The following ZPBP variants were observed in gnomAD, a reference collection of about 807,000 sequenced individuals.
ZPBP encodes the protein zona pellucida binding protein, also known as zona pellucida-binding protein 1.
In ZPBP, 26 loss-of-function variants were observed where a neutral mutation model predicts 44.8. That is an observed-to-expected ratio of 0.58 (90% confidence interval 0.43 to 0.81). The LOEUF (loss-of-function observed/expected upper bound fraction) is 0.81, where lower values mean the gene tolerates loss of function less well. Among genes scored for constraint, ZPBP ranks in the 30% least tolerant of loss-of-function variants. The pLI is 0.00. For missense variants in ZPBP, 409 were observed against 434.0 expected (o/e 0.94, Z 0.51); for synonymous variants, 174 against 153.2 (o/e 1.14, Z -1.00).
chr7:49,892,047 T>G (rs1792157478), intron 2 of ZPBP, among the ~76,000 whole-genome samples: 1 of 128,404 alleles, frequency 7.8e-6, no homozygotes, highest in African/African-American at 2.9e-5. Context: ...TTTTTTTTTT[T>G]TTTTTTTTTT....
intron 4 of ZPBP, among the ~76,000 whole-genome samples, chr7:50,051,322 T>C (rs761929904): frequency 3.3e-5 from 5 of 152,310 alleles, no homozygotes; most frequent in Admixed American, 6.5e-5. Context: ...GGAACACTTT[T>C]ACACTGTTGC....
intron 2 of ZPBP, among the ~76,000 whole-genome samples, chr7:49,856,782 G>C (rs1190289782): frequency 6.6e-6 from 1 of 151,904 alleles, no homozygotes. Context: ...GGCCGAGGTG[G>C]GCGGATCACG....
chr7:50,058,264 T>C (rs1366299252), intron 3 of ZPBP, 123 bp from the exon 4 acceptor site: 19 of 989,144 alleles, frequency 1.9e-5, no homozygotes, highest in Non-Finnish European at 2.8e-5. Context: ...GTGGGGGGCA[T>C]AGCTAGGACA....
At chr7:49,861,451 T>C (rs1790650627) in intron 2 of ZPBP, among the ~76,000 whole-genome samples, 1 of 152,220 alleles carries the variant, frequency 6.6e-6, no homozygotes, top group East Asian at 1.9e-4. Flanking sequence ...GTCTTTTCAC[T>C]GTCTTGATAA....
chr7:49,843,735 G>A, the ZPBP span, among the ~76,000 whole-genome samples: 3 of 152,234 alleles, frequency 2.0e-5, no homozygotes, highest in East Asian at 5.8e-4. Flanking sequence ...GAAGCACTGG[G>A]ATGAGAAGCG....
At chr7:49,846,351 G>T (rs1303021937), downstream of ZPBP, among the ~76,000 whole-genome samples, 1 of 152,186 alleles carries the variant, frequency 6.6e-6, no homozygotes, top group Non-Finnish European at 1.5e-5. Flanking sequence ...TCTGTGATCT[G>T]GTCTCTTAAC....
At chr7:49,840,705 A>G in the ZPBP span, among the ~76,000 whole-genome samples, 2 of 152,216 alleles carry the variant, frequency 1.3e-5, 1 homozygote, top group Admixed American at 1.3e-4. Flanking sequence ...AGCTGTTTGC[A>G]TAAAAAGCCG....
At chr7:49,949,561 G>C (rs926834035) in intron 7 of ZPBP, among the ~76,000 whole-genome samples, 1 of 151,990 alleles carries the variant, frequency 6.6e-6, no homozygotes, top group African/African-American at 2.4e-5. Context: ...CCACTTATAT[G>C]AGGTATCTAG....
chr7:49,901,436 T>A (rs1279405356), intron 1 of ZPBP, among the ~76,000 whole-genome samples: 2 of 151,664 alleles, frequency 1.3e-5, no homozygotes, highest in African/African-American at 4.8e-5. Flanking sequence ...TAATTTAAAA[T>A]TAAATACATA....
chr7:49,900,106 A>ATATTTTAAACTAAATAAAAATTTAGTT (rs1460326521), intron 2 of ZPBP, among the ~76,000 whole-genome samples: 150 of 151,888 alleles, frequency 9.9e-4, no homozygotes, highest in African/African-American at 2.5e-3. Context: ...AAGTTTAAAA[A>ATATTTTAAACTAAATAAAAATTTAGTT]TATTTTAAAC....
intron 5 of ZPBP, among the ~76,000 whole-genome samples, chr7:50,022,686 A>G (rs1241280070): frequency 6.6e-6 from 1 of 152,202 alleles, no homozygotes; most frequent in African/African-American, 2.4e-5. Flanking sequence ...ATCAACAACA[A>G]AAAAATCCGC....
chr7:49,849,157 C>A (rs1424284718), downstream of ZPBP, among the ~76,000 whole-genome samples: 4 of 152,184 alleles, frequency 2.6e-5, no homozygotes, highest in Non-Finnish European at 5.9e-5. Flanking sequence ...ACCCTACAGT[C>A]CCAGGGAAAC....
At chr7:49,979,696 A>ACAAT (rs940391474) in intron 7 of ZPBP, among the ~76,000 whole-genome samples, 7 of 150,134 alleles carry the variant, frequency 4.7e-5, no homozygotes, top group Non-Finnish European at 8.9e-5. Flanking sequence ...AAATATTTTA[A>ACAAT]CAATTTTAGT....
intron 2 of ZPBP, among the ~76,000 whole-genome samples, chr7:50,086,195 A>G (rs914622887): frequency 3.9e-5 from 6 of 152,126 alleles, no homozygotes; most frequent in Non-Finnish European, 8.8e-5. Context: ...CAAATACACG[A>G]TATCAGCAAA....
chr7:49,916,646 C>G lies in ZPBP; in HGVS notation n.412-15431G>C, dbSNP rs142310892. 3 of 152,268 alleles carry G rather than the reference C, an allele frequency of 2.0e-5. No homozygotes were observed. In the East Asian group the frequency reaches 5.8e-4, roughly 29 times the overall value. 9.4% of individuals were successfully genotyped at this position (152,268 alleles called of 1,614,324 possible). On this transcript the variant is annotated intron_variant and non_coding_transcript_variant, in intron 1 of 2. Coordinates refer to the ZPBP transcript ENST00000465922. ...CAATTCCCAAAACATCACCCAATAT[C>G]TATATGTTAAAGGCTTGTTGAATTG...
At chr7:49,896,207 G>A (rs1220763091) in intron 2 of ZPBP, among the ~76,000 whole-genome samples, 1 of 152,094 alleles carries the variant, frequency 6.6e-6, no homozygotes, top group Non-Finnish European at 1.5e-5. Context: ...CAGGTTTGGT[G>A]GTGCATGCCT....
downstream of ZPBP, among the ~76,000 whole-genome samples, chr7:49,933,944 C>G (rs1463766354): frequency 4.0e-5 from 6 of 151,330 alleles, no homozygotes; most frequent in Admixed American, 1.3e-4. Context: ...GGAGATATAC[C>G]TAATATTAAA....
intron 7 of ZPBP, among the ~76,000 whole-genome samples, chr7:49,969,271 A>G (rs544526915): frequency 6.7e-6 from 1 of 150,232 alleles, no homozygotes; most frequent in Admixed American, 6.6e-5. Context: ...TGCCCACATA[A>G]GATCTATGTA....
chr7:50,024,184 T>C (rs531642226), intron 5 of ZPBP, among the ~76,000 whole-genome samples: 1 of 149,586 alleles, frequency 6.7e-6, no homozygotes, highest in East Asian at 1.9e-4. Context: ...GTGGAGAAAC[T>C]GGAACCCTTG....
Sources: allele counts gnomAD v4.1 joint callset (sites outside exome capture counted in the v4.1 genomes callset), GRCh38; gene constraint gnomAD v4.1.1; transcripts MANE v1.5; gene names NCBI Gene and HGNC (gene_info 2026-07-23, HGNC 2026-07-21).